Variants in RABGAP1L observed in about 807,000 individuals in gnomAD.
The protein encoded by RABGAP1L is RAB GTPase activating protein 1 like, also known as rab GTPase-activating protein 1-like.
In RABGAP1L, 63 loss-of-function variants were observed where a neutral mutation model predicts 137.7. The observed-to-expected ratio is 0.46, with a 90% confidence interval of 0.37 to 0.56. The LOEUF (loss-of-function observed/expected upper bound fraction) is 0.56, where lower values mean the gene tolerates loss of function less well. Ranked by LOEUF, RABGAP1L falls within the 20% of genes least tolerant of loss-of-function variation. RABGAP1L has a pLI of 0.00. For missense variants in RABGAP1L, 1,095 were observed against 1,244.0 expected (o/e 0.88, Z 1.80); for synonymous variants, 431 against 433.7 (o/e 0.99, Z 0.08).
intron 13 of RABGAP1L, among the ~76,000 whole-genome samples, chr1:174,466,247 G>A (rs1248478407): frequency 1.3e-5 from 2 of 152,142 alleles, no homozygotes; most frequent in African/African-American, 4.8e-5. Context: ...TTTTTCTAAT[G>A]TTTTTAATAG....
intron 13 of RABGAP1L, among the ~76,000 whole-genome samples, chr1:174,585,731 C>G (rs1222677501): frequency 6.6e-6 from 1 of 152,178 alleles, no homozygotes; most frequent in Non-Finnish European, 1.5e-5. Context: ...GATAAGTCCA[C>G]CCTGGAGTGG....
chr1:174,469,516 A>G (rs1400679302), intron 13 of RABGAP1L, among the ~76,000 whole-genome samples: 1 of 152,182 alleles, frequency 6.6e-6, no homozygotes, highest in Non-Finnish European at 1.5e-5. Flanking sequence ...GAGTCTCTGA[A>G]TTTGTGACAA....
chr1:174,601,764 C>G (rs1434011401), intron 13 of RABGAP1L, among the ~76,000 whole-genome samples: 1 of 151,998 alleles, frequency 6.6e-6, no homozygotes, highest in Non-Finnish European at 1.5e-5. Flanking sequence ...TTTAAAAGCA[C>G]CCAAGTCACG....
At chr1:174,867,037 G>A (rs1651380011) in intron 19 of RABGAP1L, among the ~76,000 whole-genome samples, 1 of 151,642 alleles carries the variant, frequency 6.6e-6, no homozygotes, top group South Asian at 2.1e-4. Context: ...GCAGTGAGCT[G>A]TAAATGCATC....
intron 17 of RABGAP1L, among the ~76,000 whole-genome samples, chr1:174,726,774 A>G (rs1282994436): frequency 6.6e-6 from 1 of 152,182 alleles, no homozygotes; most frequent in Non-Finnish European, 1.5e-5. Flanking sequence ...ACAGTGTCTA[A>G]AAGAAAAATG....
intron 14 of RABGAP1L, among the ~76,000 whole-genome samples, chr1:174,654,071 A>C (rs2148400936): frequency 6.6e-6 from 1 of 152,288 alleles, no homozygotes; most frequent in East Asian, 1.9e-4. Context: ...AAGAAAGGAA[A>C]GTTAGGTGCA....
chr1:174,506,431 T>A (rs1454580025), intron 13 of RABGAP1L, among the ~76,000 whole-genome samples: 5 of 152,076 alleles, frequency 3.3e-5, no homozygotes, highest in African/African-American at 9.7e-5. Context: ...AAAACAAATT[T>A]AAAAAATCAG....
intron 13 of RABGAP1L, among the ~76,000 whole-genome samples, chr1:174,403,755 T>A (rs1375422519): frequency 6.6e-6 from 1 of 151,906 alleles, no homozygotes; most frequent in East Asian, 1.9e-4. Flanking sequence ...GTATAATAGC[T>A]GATTATACTG....
chr1:174,658,430 A>G (rs1176993104), intron 14 of RABGAP1L, among the ~76,000 whole-genome samples: 1 of 152,082 alleles, frequency 6.6e-6, no homozygotes, highest in Non-Finnish European at 1.5e-5. Context: ...CTCCCTTCCT[A>G]TATTTGTAAC....
At chr1:174,169,315 C>G (rs1665158540) in intron 1 of RABGAP1L, among the ~76,000 whole-genome samples, 2 of 151,386 alleles carry the variant, frequency 1.3e-5, no homozygotes, top group Admixed American at 1.3e-4. Flanking sequence ...TGACCTCTGC[C>G]TCCCAGGTTC....
At chr1:174,854,641 T>G (rs1648937061) in intron 19 of RABGAP1L, among the ~76,000 whole-genome samples, 1 of 148,086 alleles carries the variant, frequency 6.8e-6, no homozygotes, top group African/African-American at 2.5e-5. Context: ...GATAGATTTA[T>G]AGATTCCACC....
At chr1:174,187,594 T>C (rs1334991112) in intron 1 of RABGAP1L, among the ~76,000 whole-genome samples, 2 of 152,140 alleles carry the variant, frequency 1.3e-5, no homozygotes, top group Admixed American at 6.5e-5. Flanking sequence ...ATGGGACATT[T>C]AAAAAAGTTT....
chr1:174,541,359 G>A (rs1410382218), intron 13 of RABGAP1L, among the ~76,000 whole-genome samples: 2 of 152,180 alleles, frequency 1.3e-5, no homozygotes, highest in South Asian at 4.1e-4. Flanking sequence ...GGGCATCCCT[G>A]TCTTGTGCCA....
At chr1:174,799,644 T>A (rs1188037466) in intron 18 of RABGAP1L, among the ~76,000 whole-genome samples, 1 of 152,064 alleles carries the variant, frequency 6.6e-6, no homozygotes, top group Non-Finnish European at 1.5e-5. Context: ...GGCTCGCCAT[T>A]GGCTTCTTAT....
chr1:174,693,499 G>A (rs973220971), intron 15 of RABGAP1L, among the ~76,000 whole-genome samples: 3 of 152,092 alleles, frequency 2.0e-5, no homozygotes, highest in African/African-American at 4.8e-5. Flanking sequence ...CTGTGCTCTT[G>A]AACTATTTAC....
intron 7 of RABGAP1L, among the ~76,000 whole-genome samples, chr1:174,271,564 A>G (rs190709854): frequency 6.6e-6 from 1 of 152,092 alleles, no homozygotes; most frequent in Admixed American, 6.5e-5. Flanking sequence ...GACAGATTAC[A>G]TTGCTTCTCA....
intron 13 of RABGAP1L, among the ~76,000 whole-genome samples, chr1:174,552,533 A>G (rs1462412803): frequency 2.6e-5 from 4 of 152,112 alleles, no homozygotes; most frequent in Admixed American, 6.5e-5. Flanking sequence ...ATAGTATTCC[A>G]TGGTGTATAT....
intron 4 of RABGAP1L, among the ~76,000 whole-genome samples, chr1:174,240,974 C>G (rs1031829301): frequency 2.0e-5 from 3 of 151,796 alleles, no homozygotes; most frequent in Non-Finnish European, 2.9e-5. Context: ...AATATGAAGA[C>G]AAGTTGTTCT....
intron 5 of RABGAP1L, among the ~76,000 whole-genome samples, chr1:174,241,927 A>G (rs1671862013): frequency 1.3e-5 from 2 of 152,224 alleles, no homozygotes; most frequent in Non-Finnish European, 1.5e-5. Context: ...TAAATTGCTT[A>G]TGCTCAGAAG....
Sources: allele counts gnomAD v4.1 joint callset (sites outside exome capture counted in the v4.1 genomes callset), GRCh38; gene constraint gnomAD v4.1.1; transcripts MANE v1.5; gene names NCBI Gene and HGNC (gene_info 2026-07-23, HGNC 2026-07-21).